Variants in DHX30 observed in about 807,000 individuals in gnomAD.
The protein encoded by DHX30 is DExH-box helicase 30.
Under a neutral mutation model 116.9 loss-of-function variants are expected in DHX30, and 4 were observed. The observed-to-expected ratio is 0.03, with a 90% CI of 0.02 to 0.08. The LOEUF (loss-of-function observed/expected upper bound fraction) is 0.08, where lower values mean the gene tolerates loss of function less well. DHX30 is among the 10% of genes least tolerant of loss of function. The probability of loss-of-function intolerance (pLI) is 1.00; values close to 1 mark genes in which losing one functional copy is unlikely to be tolerated. For missense variants in DHX30, 871 were observed against 1,595.1 expected (o/e 0.55, Z 7.73); for synonymous variants, 697 against 651.7 (o/e 1.07, Z -1.06).
chr3:47,847,089 G>A lies in DHX30; in HGVS notation c.1929+88G>A. 2.6e-6 allele frequency: 4 copies of A among 1,527,084 alleles called. No homozygotes were observed. The highest frequency in any genetic ancestry group is 3.6e-6 in the Non-Finnish European group (4 of 1,123,176). 94.6% of individuals were successfully genotyped at this position (1,527,084 alleles called of 1,614,324 possible). ...CTGGCCCTGGGGCTTGGTGCCTGGG[G>A]CAAGTTACCCTCCCCAGTCCTCGGT... On this transcript the variant is annotated intron_variant, in intron 11 of 21. Coordinates refer to ENST00000445061, the MANE Select transcript of DHX30 (RefSeq NM_138615.3). The surrounding 1 kb of genome is among the most constrained non-coding windows in gnomAD (Gnocchi z 5.5).
rs1029268394 is a variant in DHX30, at chr3:47,803,854, G to A, written c.-123+642G>A. ...GGGGTCCTCAGAAACCCTAAGCCAG[G>A]GATATGGCATATCTAGTCGTTGTGT... On this transcript the variant is annotated intron_variant, in intron 1 of 21. Coordinates refer to ENST00000445061, the MANE Select transcript of DHX30 (RefSeq NM_138615.3). Among the ~76,000 whole-genome samples the A allele has an allele frequency of 3.9e-5, 6 of 152,132 alleles. No homozygotes were observed. In the South Asian group the frequency reaches 1.2e-3, roughly 32 times the overall value.
intron 2 of DHX30, among the ~76,000 whole-genome samples, chr3:47,809,730 A>G (rs2035706644): frequency 6.6e-6 from 1 of 152,020 alleles, no homozygotes; most frequent in Non-Finnish European, 1.5e-5. Flanking sequence ...ACCTCCCCAC[A>G]ATTTGAGAAT....
intron 6 of DHX30, among the ~76,000 whole-genome samples, chr3:47,835,707 T>C (rs1460934341): frequency 1.3e-5 from 2 of 152,048 alleles, no homozygotes; most frequent in Non-Finnish European, 2.9e-5. Flanking sequence ...CTCCCAAAGT[T>C]CTGGGATTAT....
chr3:47,808,914 G>A (rs564497708), intron 2 of DHX30, among the ~76,000 whole-genome samples: 2 of 149,020 alleles, frequency 1.3e-5, no homozygotes, highest in South Asian at 2.1e-4. Flanking sequence ...TTGAGACAGA[G>A]TCTCACTCTT....
chr3:47,846,454 G>A lies in DHX30; in HGVS notation c.1382G>A (p.Cys461Tyr). 6.2e-7 allele frequency: 1 copy of A among 1,614,132 alleles called. No homozygotes were observed. Residue 461 changes from cysteine to tyrosine, a missense_variant, in exon 11 of 22, where the codon TGT becomes TAT. Physicochemically the swap from Cys to Tyr is radical, Grantham distance 194. Coordinates refer to ENST00000445061, the MANE Select transcript of DHX30 (RefSeq NM_138615.3). ...PVVVISGDTG[C>Y]GKTTRIPQLL... ...GTGGTCATCTCTGGGGACACGGGCT[G>A]TGGGAAGACCACGCGCATCCCCCAG...
At chr3:47,844,636 G>C (rs1267723960) in intron 9 of DHX30, among the ~76,000 whole-genome samples, 1 of 152,230 alleles carries the variant, frequency 6.6e-6, no homozygotes, top group Non-Finnish European at 1.5e-5. Flanking sequence ...CCCTGTTGGG[G>C]GAAGACTTCT....
At chr3:47,816,281 T>A in intron 3 of DHX30, 1 of 984,884 alleles carries the variant, frequency 1.0e-6, no homozygotes, top group Non-Finnish European at 1.2e-6. Context: ...TATTGGTGCT[T>A]GGGAAGATGC....
intron 3 of DHX30, among the ~76,000 whole-genome samples, chr3:47,815,780 C>CAA (rs1423795080): frequency 5.7e-5 from 6 of 104,856 alleles, no homozygotes; most frequent in African/African-American, 1.8e-4. Flanking sequence ...ACAGCCAGCA[C>CAA]AAAACTTTGA....
intron 3 of DHX30, among the ~76,000 whole-genome samples, chr3:47,810,953 T>C (rs1221532945): frequency 6.9e-6 from 1 of 145,792 alleles, no homozygotes; most frequent in African/African-American, 2.5e-5. Flanking sequence ...ATTAAAATCC[T>C]TTTTTTTTTT....
Position 47,847,210 on chromosome 3 carries a change from T to C in DHX30, c.1930-63T>C, listed in dbSNP as rs1189697266. 2.8e-5 allele frequency: 45 copies of C among 1,602,110 alleles called. No individual in the cohort carries two copies. The highest frequency in any genetic ancestry group is 3.5e-5 in the Non-Finnish European group (41 of 1,169,400). Reference sequence around the variant, plus strand: ...GCTCCGTCTCACTGAGTCAGGTGGCTGTGTCCTTGGCATGACCCCTTACCC... The same window carrying C: ...GCTCCGTCTCACTGAGTCAGGTGGCCGTGTCCTTGGCATGACCCCTTACCC... On this transcript the variant is annotated intron_variant, in intron 11 of 21. Transcript: ENST00000445061. This position sits in a 1 kb window ranked among gnomAD's most constrained non-coding sequence, Gnocchi z 5.5.
At position 47,848,572 on chromosome 3, in the gene DHX30, C is replaced by T. The variant is rs187358257; in HGVS notation, c.2575+22C>T. ...ATCGGTATGTAGGGGCTGGGCTGGG[C>T]TGGGCTGGGGAGTGGCTCTCGAGGG... On this transcript the variant is annotated intron_variant, in intron 16 of 21. Coordinates refer to ENST00000445061, the MANE Select transcript of DHX30 (RefSeq NM_138615.3). The surrounding 1 kb of genome is among the most constrained non-coding windows in gnomAD (Gnocchi z 9.4). 2.9e-4 allele frequency: 413 copies of T among 1,414,908 alleles called. No homozygotes were observed. The African/African-American group carries it at 5.2e-3, about 18-fold the overall frequency. The allele number at this position is 1,414,908 out of a possible 1,614,324, so 87.6% of individuals were successfully genotyped here. A position where few individuals can be genotyped will look rare whatever the true frequency, so the allele number is the denominator to read the frequency against.
chr3:47,849,131 T>G, intron 18 of DHX30, 52 bp downstream of exon 18: 1 of 1,612,248 alleles, frequency 6.2e-7, no homozygotes, highest in Non-Finnish European at 8.5e-7. Flanking sequence ...CCCACTGAGT[T>G]TCTGTCACCT....
At chr3:47,844,148 C>T (rs762835661) in intron 9 of DHX30, among the ~76,000 whole-genome samples, 30 of 152,170 alleles carry the variant, frequency 2.0e-4, no homozygotes, top group Non-Finnish European at 3.8e-4. Flanking sequence ...TAGAAATGGG[C>T]CTGCTTTACT....
At chr3:47,822,208 C>T (rs1249635091) in intron 4 of DHX30, 1 of 152,132 alleles carries the variant, frequency 6.6e-6, no homozygotes, top group Non-Finnish European at 1.5e-5. Context: ...AAAGAGTTGC[C>T]CTTATCTTAC....
rs776165810 is a variant in DHX30 at position 47,827,429 on chromosome 3, T to C, written c.207T>C (p.His69=). Reference sequence around the variant, plus strand: ...TTGGAAGAGCCCTCGGCATCTCACATGCAAAAGACAAACTAGTCTACGTGC... The same window carrying C: ...TTGGAAGAGCCCTCGGCATCTCACACGCAAAAGACAAACTAGTCTACGTGC... ...SVIGRALGIS[H]AKDKLVYVHT... The change falls in exon 5 of 22, where the codon CAT becomes CAC. Residue 69 remains histidine (H), a synonymous_variant. Transcript: ENST00000445061. 3 of 1,614,012 alleles carry C rather than the reference T, an allele frequency of 1.9e-6. No homozygotes were observed. The highest frequency in any genetic ancestry group is 2.5e-6 in the Non-Finnish European group (3 of 1,179,958).
At chr3:47,825,113 C>G (rs1189943685) in intron 4 of DHX30, 2 of 674,926 alleles carry the variant, frequency 3.0e-6, no homozygotes, top group Admixed American at 2.1e-5. Context: ...GGTCCCCGCG[C>G]TGCTGGGCGA....
chr3:47,804,511 C>T (rs751071423), intron 1 of DHX30, among the ~76,000 whole-genome samples: 5 of 152,188 alleles, frequency 3.3e-5, no homozygotes, highest in African/African-American at 4.8e-5. Context: ...GCCAAGATCG[C>T]GCCATTTCAC....
intron 4 of DHX30, among the ~76,000 whole-genome samples, chr3:47,820,643 G>C (rs2036254507): frequency 6.6e-6 from 1 of 152,086 alleles, no homozygotes; most frequent in Non-Finnish European, 1.5e-5. Context: ...CAAAGTATAG[G>C]TTCCTAAAGC....
chr3:47,832,924 C>T (rs2036926147), intron 6 of DHX30, among the ~76,000 whole-genome samples: 1 of 150,122 alleles, frequency 6.7e-6, no homozygotes, highest in Admixed American at 6.6e-5. Context: ...CAGGTGTGAT[C>T]CACTGTGCCT....
Sources: allele counts gnomAD v4.1 joint callset (sites outside exome capture counted in the v4.1 genomes callset), GRCh38; gene constraint gnomAD v4.1.1; non-coding constraint Gnocchi (gnomAD v3.1); transcripts MANE v1.5; gene names NCBI Gene and HGNC (gene_info 2026-07-23, HGNC 2026-07-21).